TFDP1: variants seen among roughly 807,000 people sequenced by gnomAD.
TFDP1 encodes the protein DRTF1-polypeptide 1.
A neutral mutation model predicts 48.0 loss-of-function variants in TFDP1; 6 were observed. The observed-to-expected ratio is 0.13, with a 90% confidence interval of 0.07 to 0.25. TFDP1 has a LOEUF of 0.25. Among genes scored for constraint, TFDP1 ranks in the 10% least tolerant of loss-of-function variants. The pLI, the probability that TFDP1 is intolerant of heterozygous loss-of-function variation, is 1.00. For missense variants in TFDP1, 335 were observed against 543.0 expected (o/e 0.62, Z 3.81); for synonymous variants, 201 against 211.6 (o/e 0.95, Z 0.44).
intron 2 of TFDP1, among the ~76,000 whole-genome samples, chr13:113,588,463 G>C (rs116376308): frequency 6.6e-6 from 1 of 152,352 alleles, no homozygotes; most frequent in African/African-American, 2.4e-5. Context: ...GAGACAAGCG[G>C]GTGGGAAAAG....
chr13:113,588,357 A>G (rs1299947335), intron 2 of TFDP1, among the ~76,000 whole-genome samples: 1 of 152,200 alleles, frequency 6.6e-6, no homozygotes, highest in African/African-American at 2.4e-5. Flanking sequence ...ATGGAGGAGG[A>G]GAAACAAGGA....
intron 2 of TFDP1, among the ~76,000 whole-genome samples, chr13:113,591,488 A>G (rs2048145877): frequency 6.6e-6 from 1 of 152,116 alleles, no homozygotes; most frequent in South Asian, 2.1e-4. Context: ...TACTTTTGGT[A>G]TTTGGAAGAA....
chr13:113,634,839 G>A (rs4150795), intron 8 of TFDP1, among the ~76,000 whole-genome samples: 40 of 152,146 alleles, frequency 2.6e-4, no homozygotes, highest in African/African-American at 8.9e-4. Flanking sequence ...GTGTGTGTGT[G>A]TGCATGTGCC....
intron 2 of TFDP1, among the ~76,000 whole-genome samples, chr13:113,588,778 C>T (rs915221981): frequency 1.3e-4 from 17 of 135,886 alleles, no homozygotes; most frequent in Admixed American, 6.5e-4. Flanking sequence ...GTAGATTGGA[C>T]GGAGAGTGAG....
Position 113,623,153 on chromosome 13 carries a change from C to T in TFDP1, c.80-27C>T, listed in dbSNP as rs970109759. Reference sequence around the variant, plus strand: ...CCTTAACTTAGAAAAGGAGTCTCGCCCTTGACCTGGTGTCCTTGTGTTGCA... The same window carrying T: ...CCTTAACTTAGAAAAGGAGTCTCGCTCTTGACCTGGTGTCCTTGTGTTGCA... On this transcript the variant is annotated intron_variant, in intron 3 of 11. Transcript: ENST00000375370. This position sits in a 1 kb window ranked among gnomAD's most constrained non-coding sequence, Gnocchi z 5.2. 5.0e-6 allele frequency: 8 copies of T among 1,598,868 alleles called. No homozygotes were observed. The highest frequency in any genetic ancestry group is 6.8e-6 in the Non-Finnish European group (8 of 1,170,696).
chr13:113,592,101 C>G (rs951270001), intron 2 of TFDP1, among the ~76,000 whole-genome samples: 7 of 152,232 alleles, frequency 4.6e-5, no homozygotes, highest in Admixed American at 1.3e-4. Context: ...AATTTTGAGA[C>G]TCAAGGATGA....
chr13:113,635,899 G>A, intron 8 of TFDP1, 78 bp from the exon 9 acceptor site: 4 of 1,506,312 alleles, frequency 2.7e-6, no homozygotes, highest in Non-Finnish European at 3.6e-6. Flanking sequence ...ACGCAGGGAG[G>A]GCTGTGAGGA....
At chr13:113,636,810 G>C in intron 10 of TFDP1, 110 bp downstream of exon 10, 1 of 1,297,466 alleles carries the variant, frequency 7.7e-7, no homozygotes, top group Non-Finnish European at 1.0e-6. Flanking sequence ...TCAGGCCCAC[G>C]TGTGTAGGGC....
rs756269718 is a variant in TFDP1 at position 113,637,916 on chromosome 13, T to A, written c.1085+20T>A. 1.9e-6 allele frequency: 3 copies of A among 1,610,620 alleles called. No individual in the cohort carries two copies. The highest frequency in any genetic ancestry group is 2.5e-6 in the Non-Finnish European group (3 of 1,178,628). The stretch of plus-strand genomic sequence containing the variant: ...TGCCAGGTGACAGTCGTTGAGGGTG[T>A]GGGAGAGGCGTCATCTGGGCCTCCC... On this transcript the variant is annotated intron_variant, in intron 11 of 11. Coordinates refer to ENST00000375370, the MANE Select transcript of TFDP1 (RefSeq NM_007111.5).
intron 2 of TFDP1, among the ~76,000 whole-genome samples, chr13:113,608,186 G>T (rs950169846): frequency 1.3e-5 from 2 of 152,200 alleles, no homozygotes; most frequent in African/African-American, 4.8e-5. Flanking sequence ...CCCCCACTCT[G>T]TCTCTGCCCA....
At chr13:113,626,285 G>C (rs945286920) in intron 4 of TFDP1, among the ~76,000 whole-genome samples, 2 of 152,196 alleles carry the variant, frequency 1.3e-5, no homozygotes, top group African/African-American at 4.8e-5. Context: ...TTTCTTCAGA[G>C]AACATGACCA....
At chr13:113,611,661 T>C (rs2048711731) in intron 3 of TFDP1, among the ~76,000 whole-genome samples, 1 of 152,246 alleles carries the variant, frequency 6.6e-6, no homozygotes, top group Non-Finnish European at 1.5e-5. Context: ...CGTGAAGGTG[T>C]GTGTGCTCAC....
intron 3 of TFDP1, among the ~76,000 whole-genome samples, chr13:113,612,701 G>A (rs893962469): frequency 1.3e-5 from 2 of 152,210 alleles, no homozygotes; most frequent in Non-Finnish European, 2.9e-5. Context: ...CTTACCACAT[G>A]TGGGCTGTCT....
At chr13:113,636,196 A>G in intron 9 of TFDP1, 68 bp downstream of exon 9, 1 of 1,561,780 alleles carries the variant, frequency 6.4e-7, no homozygotes, top group African/African-American at 1.4e-5. Context: ...CCCTGTTGGT[A>G]TTGTCACTAG....
At chr13:113,610,742 G>A (rs540138077) in intron 2 of TFDP1, among the ~76,000 whole-genome samples, 1 of 152,330 alleles carries the variant, frequency 6.6e-6, no homozygotes, top group East Asian at 1.9e-4. Flanking sequence ...TTTCAAGACT[G>A]TGTGGATTCT....
intron 3 of TFDP1, among the ~76,000 whole-genome samples, chr13:113,614,146 G>C (rs973098489): frequency 6.6e-6 from 1 of 151,838 alleles, no homozygotes; most frequent in Middle Eastern, 3.2e-3. Context: ...TGTTATGTGC[G>C]TGTGCATGTG....
rs376669333 is a variant in TFDP1 at position 113,636,708 on chromosome 13, A to G, written c.1006+8A>G. 1.2e-6 allele frequency: 2 copies of G among 1,606,720 alleles called. No individual in the cohort carries two copies. Among genetic ancestry groups the G allele is most frequent in the South Asian group, 1.1e-5 (1 of 90,976 alleles). ...TGGAGCCATACGTGACAGGTCAGCA[A>G]TGCCCAGACAACCTGGCGTGGCTGT... On this transcript the variant is annotated splice_region_variant and intron_variant, in intron 10 of 11. Coordinates refer to ENST00000375370, the MANE Select transcript of TFDP1 (RefSeq NM_007111.5).
chr13:113,614,454 C>T (rs2048807267), intron 3 of TFDP1, among the ~76,000 whole-genome samples: 1 of 152,158 alleles, frequency 6.6e-6, no homozygotes, highest in South Asian at 2.1e-4. Flanking sequence ...GCTCTGCCTT[C>T]CTCCGTTTGT....
In TFDP1 at chr13:113,613,283, G is replaced by A. The variant is rs566564838; in HGVS notation, c.79+2221G>A. 3.3e-5 allele frequency among the ~76,000 whole-genome samples: 5 copies of A among 152,266 alleles called. No homozygotes were observed. The East Asian group carries it at 9.7e-4, about 29-fold the overall frequency. ...CCCACCTTGGCCTCCCAAAGTGCTG[G>A]GATTACAGGCGGGAGCCACTGCACC... On this transcript the variant is annotated intron_variant, in intron 3 of 11. Transcript: ENST00000375370.
Sources: gnomAD v4.1 joint callset for allele counts (sites outside exome capture counted in the v4.1 genomes callset) on GRCh38, gnomAD v4.1.1 for gene constraint, Gnocchi (gnomAD v3.1) non-coding constraint, MANE v1.5 for transcripts, NCBI Gene and HGNC (gene_info 2026-07-23, HGNC 2026-07-21) for gene names.